The following RNF125 variants were observed in gnomAD, a reference collection of about 807,000 sequenced individuals.
RNF125 encodes ring finger protein 125, also known as E3 ubiquitin-protein ligase RNF125.
In RNF125, 21 loss-of-function variants were observed where a neutral mutation model predicts 26.0. The ratio of observed to expected loss-of-function variants is 0.81; its 90% CI spans 0.57 to 1.16. RNF125 has a LOEUF of 1.16. Among genes scored for constraint, RNF125 ranks in the 50% most tolerant of loss-of-function variants. RNF125 has a pLI of 0.00. For missense variants in RNF125, 270 were observed against 299.4 expected (o/e 0.90, Z 0.72); for synonymous variants, 95 against 109.2 (o/e 0.87, Z 0.81).
At chr18:32,081,151 G>A in the RNF125 span, among the ~76,000 whole-genome samples, 4 of 138,074 alleles carry the variant, frequency 2.9e-5, no homozygotes, top group South Asian at 4.6e-4. Context: ...CCAAGATCTC[G>A]CCACTGGACT....
intron 4 of RNF125, among the ~76,000 whole-genome samples, chr18:32,047,026 A>C (rs2039278979): frequency 6.6e-6 from 1 of 151,814 alleles, no homozygotes; most frequent in African/African-American, 2.4e-5. Flanking sequence ...GTGCCACTAC[A>C]CCTGCCTAAT....
At chr18:32,021,897 T>A (rs1055047935) in intron 1 of RNF125, among the ~76,000 whole-genome samples, 5 of 152,230 alleles carry the variant, frequency 3.3e-5, no homozygotes, top group Admixed American at 6.5e-5. Flanking sequence ...GCTGAACAAA[T>A]TGCCTTTCCT....
At chr18:32,076,157 G>C (rs1311402142), downstream of RNF125, 3 of 554,224 alleles carry the variant, frequency 5.4e-6, no homozygotes, top group Admixed American at 2.5e-5. Context: ...CATTATCACA[G>C]TTAGAAACCG....
intron 4 of RNF125, among the ~76,000 whole-genome samples, chr18:32,055,751 T>A (rs2421180): frequency 1.3e-5 from 2 of 151,656 alleles, no homozygotes; most frequent in Admixed American, 6.6e-5. Flanking sequence ...GAGGCCAAGG[T>A]GGGCGGATCA....
At chr18:32,048,558 A>C (rs2039295292) in intron 4 of RNF125, among the ~76,000 whole-genome samples, 1 of 152,234 alleles carries the variant, frequency 6.6e-6, no homozygotes, top group African/African-American at 2.4e-5. Flanking sequence ...CAGAGAGGTT[A>C]AGTCAATCAT....
At chr18:32,041,858 C>G (rs1427841222) in intron 2 of RNF125, 1 of 213,886 alleles carries the variant, frequency 4.7e-6, no homozygotes, top group Non-Finnish European at 9.4e-6. Context: ...TCTCGATCTC[C>G]TGACCTCGTG....
chr18:32,086,218 G>GCC, the RNF125 span, among the ~76,000 whole-genome samples: 3 of 142,174 alleles, frequency 2.1e-5, no homozygotes, highest in African/African-American at 8.1e-5. Flanking sequence ...GAGTAGATTT[G>GCC]TCTTTTTTTT....
intron 3 of RNF125, among the ~76,000 whole-genome samples, chr18:32,043,156 AAAG>A (rs2039236784): frequency 6.6e-6 from 1 of 152,126 alleles, no homozygotes; most frequent in Non-Finnish European, 1.5e-5. Context: ...CTCAAAAAAA[AAAG>A]AAACACATCT....
intron 4 of RNF125, among the ~76,000 whole-genome samples, chr18:32,055,131 TACA>T (rs1349958919): frequency 2.6e-5 from 4 of 151,490 alleles, no homozygotes; most frequent in African/African-American, 4.9e-5. Context: ...ACCCTGTCTC[TACA>T]ACAACAACAA....
intron 4 of RNF125, among the ~76,000 whole-genome samples, chr18:32,049,919 T>TGG (rs1387078429): frequency 1.3e-5 from 2 of 152,024 alleles, no homozygotes; most frequent in Non-Finnish European, 2.9e-5. Context: ...GGGTCCCTAA[T>TGG]GGGGACATGT....
At position 32,068,484 on chromosome 18, in the gene RNF125, T is replaced by C; in HGVS notation, c.*100T>C. On this transcript the variant is annotated 3_prime_UTR_variant, in exon 6 of 6. Coordinates refer to ENST00000217740, the MANE Select transcript of RNF125 (RefSeq NM_017831.4). ...GTTGTCAATGATTGATGGGCAAAAATGTACAACACAGTTATGTGTTTGTCC... is the reference window on the plus strand; with the variant it reads ...GTTGTCAATGATTGATGGGCAAAAACGTACAACACAGTTATGTGTTTGTCC... 1 of 737,768 alleles carries C rather than the reference T, an allele frequency of 1.4e-6. No individual in the cohort carries two copies. 45.7% of individuals were successfully genotyped at this position (737,768 alleles called of 1,614,324 possible).
At chr18:32,078,655 A>T in the RNF125 span, among the ~76,000 whole-genome samples, 3 of 152,250 alleles carry the variant, frequency 2.0e-5, no homozygotes, top group South Asian at 6.2e-4. Context: ...AAAAAAGAAA[A>T]GAAAAAAAAT....
intron 4 of RNF125, among the ~76,000 whole-genome samples, chr18:32,062,705 G>C (rs1332838142): frequency 6.6e-6 from 1 of 152,108 alleles, no homozygotes; most frequent in Non-Finnish European, 1.5e-5. Context: ...AATGTGAAAA[G>C]AACATTGGAG....
At chr18:32,047,043 ATGT>A (rs746272436) in intron 4 of RNF125, among the ~76,000 whole-genome samples, 109 of 150,506 alleles carry the variant, frequency 7.2e-4, no homozygotes, top group Admixed American at 2.3e-3. Flanking sequence ...TAATTTTTTG[ATGT>A]TGTTGTTGTT....
downstream of RNF125, chr18:32,076,199 A>G: frequency 2.0e-6 from 1 of 495,318 alleles, no homozygotes; most frequent in Non-Finnish European, 3.7e-6. Context: ...CCCAATAAGA[A>G]CCTGGTGTTT....
chr18:32,079,688 C>T, the RNF125 span, among the ~76,000 whole-genome samples: 1 of 152,204 alleles, frequency 6.6e-6, no homozygotes, highest in Non-Finnish European at 1.5e-5. Flanking sequence ...TGAATAATGT[C>T]TTCAAGCCAG....
downstream of RNF125, among the ~76,000 whole-genome samples, chr18:32,076,637 A>G (rs920793885): frequency 3.3e-5 from 5 of 152,160 alleles, no homozygotes; most frequent in African/African-American, 9.7e-5. Context: ...TAAATTCTAA[A>G]GGCCTTTCCA....
chr18:32,077,482 C>T (rs2039578165), downstream of RNF125, among the ~76,000 whole-genome samples: 1 of 151,816 alleles, frequency 6.6e-6, no homozygotes, highest in East Asian at 1.9e-4. Flanking sequence ...CTACCTCAGC[C>T]TCCTGAGTAG....
At chr18:32,065,194 TG>T (rs1254027313) in intron 4 of RNF125, among the ~76,000 whole-genome samples, 1 of 152,164 alleles carries the variant, frequency 6.6e-6, no homozygotes, top group East Asian at 1.9e-4. Flanking sequence ...AGTTTATTTT[TG>T]AATGGTTACC....
Sources: allele counts gnomAD v4.1 joint callset (sites outside exome capture counted in the v4.1 genomes callset), GRCh38; gene constraint gnomAD v4.1.1; transcripts MANE v1.5; gene names NCBI Gene and HGNC (gene_info 2026-07-23, HGNC 2026-07-21).